ACSL6: variants seen among roughly 807,000 people sequenced by gnomAD.
ACSL6 encodes long-chain-fatty-acid--CoA ligase 6.
ACSL6 carries 47 observed loss-of-function variants against 98.2 expected under a neutral mutation model. That is an observed-to-expected ratio of 0.48 (90% CI 0.38 to 0.61). The LOEUF is 0.61. Among genes scored for constraint, ACSL6 ranks in the 20% least tolerant of loss-of-function variants. The pLI is 0.00. For synonymous variants in ACSL6, 362 were observed against 336.9 expected (o/e 1.07, Z -0.82); for missense variants, 761 against 913.4 (o/e 0.83, Z 2.15).
At chr5:131,986,525 T>A (rs1173669338) in intron 8 of ACSL6, among the ~76,000 whole-genome samples, 3 of 152,192 alleles carry the variant, frequency 2.0e-5, no homozygotes, top group African/African-American at 7.2e-5. Context: ...TTCTGGAGAG[T>A]TTGCCATATT....
intron 1 of ACSL6, 193 bp from the exon 2 acceptor site, chr5:131,994,444 C>T (rs1432526340): frequency 8.5e-6 from 5 of 585,514 alleles, no homozygotes; most frequent in South Asian, 4.0e-5. Flanking sequence ...AACCTTCTGC[C>T]GTCACACCTG....
At position 131,989,501 on chromosome 5, in the gene ACSL6, T is replaced by C. The variant is rs1055624208; in HGVS notation, c.458A>G (p.Asp153Gly). 1 of 1,600,604 alleles carries C rather than the reference T, an allele frequency of 6.2e-7. No homozygotes were observed. The highest frequency in any genetic ancestry group is 1.7e-5 in the Admixed American group (1 of 59,404). Reference protein sequence around the residue: ...YQWLSYQEVADRAEFLGSGLL... With the variant: ...YQWLSYQEVAGRAEFLGSGLL... ...TCCGGACCCCAGAAATTCAGCCCTGTCGGCCACCTGCACACAGATGTGGGG... is the reference window on the plus strand; with the variant it reads ...TCCGGACCCCAGAAATTCAGCCCTGCCGGCCACCTGCACACAGATGTGGGG... Residue 153 changes from aspartate to glycine, a missense_variant, in exon 5 of 21, where the codon GAC (aspartate) becomes GGC (glycine). By Grantham distance (94) the Asp-to-Gly change is moderately conservative. Coordinates refer to ENST00000651883, the MANE Select transcript of ACSL6 (RefSeq NM_001009185.3).
chr5:131,962,725 C>A, intron 17 of ACSL6, 47 bp from the exon 18 acceptor site: 1 of 1,604,598 alleles, frequency 6.2e-7, no homozygotes, highest in Non-Finnish European at 8.5e-7. Context: ...CACTCTCAAG[C>A]CTGAACCTTT....
rs573406158 is a variant in ACSL6 at position 131,951,780 on chromosome 5, G to T, written c.*2454C>A. 158 of 161,282 alleles carry T rather than the reference G, an allele frequency of 9.8e-4. 1 individual carries two copies. The highest frequency in any genetic ancestry group is 3.6e-3 in the African/African-American group (151 of 41,792). The allele number at this position is 161,282 out of a possible 1,614,324, so 10.0% of individuals were successfully genotyped here. A position where few individuals can be genotyped will look rare whatever the true frequency, so the allele number is the denominator to read the frequency against. ...TTTTGTATTTTTTTAGTAGAGACGG[G>T]GTTTCACTGTGTTAGCCAGGATGGT... On this transcript the variant is annotated 3_prime_UTR_variant, in exon 21 of 21. Coordinates refer to ENST00000651883, the MANE Select transcript of ACSL6 (RefSeq NM_001009185.3).
intron 16 of ACSL6, among the ~76,000 whole-genome samples, chr5:131,967,140 G>A (rs1190328501): frequency 3.3e-5 from 5 of 152,040 alleles, no homozygotes; most frequent in African/African-American, 1.2e-4. Context: ...GAGGCCAGGA[G>A]TTTAAGATCA....
intron 14 of ACSL6, 44 bp downstream of exon 14, chr5:131,971,506 C>A (rs368117880): frequency 5.9e-6 from 9 of 1,515,848 alleles, no homozygotes; most frequent in African/African-American, 5.5e-5. Flanking sequence ...CCTGCCCTAA[C>A]GAACTTCCTG....
At chr5:131,959,820 T>C (rs1254939694) in intron 19 of ACSL6, 13 of 593,128 alleles carry the variant, frequency 2.2e-5, no homozygotes, top group Non-Finnish European at 3.6e-5. Context: ...GGAGTGACCA[T>C]GAATGGGCTA....
chr5:131,975,802 T>G, intron 10 of ACSL6: 2 of 985,500 alleles, frequency 2.0e-6, no homozygotes, highest in Non-Finnish European at 2.4e-6. Context: ...TGGACTTCCC[T>G]GCTCTCCACC....
chr5:131,998,085 C>T (rs1220775014), intron 1 of ACSL6, among the ~76,000 whole-genome samples: 2 of 152,152 alleles, frequency 1.3e-5, no homozygotes, highest in Non-Finnish European at 2.9e-5. Context: ...TCTCTTTTGA[C>T]CTGGGGTAGG....
Position 131,974,981 on chromosome 5 carries a change from C to G in ACSL6, c.991-11G>C, listed in dbSNP as rs769520675. 5 of 1,612,638 alleles carry G rather than the reference C, an allele frequency of 3.1e-6. No homozygotes were observed. Among genetic ancestry groups the G allele is most frequent in the African/African-American group, 2.7e-5 (2 of 74,756 alleles). ...CGGAAAGATCACTTTCTGCAGGCGA[C>G]GGGCATGGGAGACAGAAAGGAAAGA... On this transcript the variant is annotated splice_polypyrimidine_tract_variant and intron_variant, in intron 10 of 20. Transcript: ENST00000651883.
rs369866389 is a variant in ACSL6 at position 131,998,034 on chromosome 5, C to T, written c.50-3783G>A. Reference sequence around the variant, plus strand: ...TAGGCCTTGGAGTCTGGTCTCATCTCATTATTTCACAGGGCCTTGGCCTCC... The same window carrying T: ...TAGGCCTTGGAGTCTGGTCTCATCTTATTATTTCACAGGGCCTTGGCCTCC... On this transcript the variant is annotated intron_variant, in intron 1 of 20. Coordinates refer to ENST00000651883, the MANE Select transcript of ACSL6 (RefSeq NM_001009185.3). Among the ~76,000 whole-genome samples, 417 of 152,250 alleles carry T rather than the reference C, an allele frequency of 2.7e-3. 6 individuals are homozygous for T. Among genetic ancestry groups the T allele is most frequent in the African/African-American group, 9.6e-3 (399 of 41,542 alleles).
intron 15 of ACSL6, among the ~76,000 whole-genome samples, chr5:131,968,576 CCA>C (rs1753144341): frequency 6.6e-6 from 1 of 152,136 alleles, no homozygotes; most frequent in South Asian, 2.1e-4. Context: ...GCTGCTGGTC[CCA>C]CACCACATGT....
At chr5:131,997,604 G>A (rs189057251) in intron 1 of ACSL6, among the ~76,000 whole-genome samples, 4 of 152,286 alleles carry the variant, frequency 2.6e-5, no homozygotes, top group African/African-American at 9.6e-5. Context: ...CATGGACATG[G>A]GTGGGCTTCT....
At chr5:132,007,061 T>G (rs1207242260) in intron 1 of ACSL6, 1 of 152,182 alleles carries the variant, frequency 6.6e-6, no homozygotes, top group Non-Finnish European at 1.5e-5. Flanking sequence ...CAATAAACTC[T>G]TATGTACCCT....
chr5:131,994,776 TG>T (rs1754710344), intron 1 of ACSL6: 1 of 171,798 alleles, frequency 5.8e-6, no homozygotes, highest in Admixed American at 5.4e-5. Context: ...GAGAGCGAAG[TG>T]GGGGCAGGGC....
intron 1 of ACSL6, among the ~76,000 whole-genome samples, chr5:131,995,098 T>C (rs1421078503): frequency 6.6e-6 from 1 of 152,110 alleles, no homozygotes; most frequent in Non-Finnish European, 1.5e-5. Flanking sequence ...ATGTCACAGA[T>C]GGCAGCCAGG....
At chr5:131,965,729 A>C (rs546478076) in intron 17 of ACSL6, among the ~76,000 whole-genome samples, 6 of 152,212 alleles carry the variant, frequency 3.9e-5, no homozygotes, top group Admixed American at 2.0e-4. Flanking sequence ...TTCATAAATA[A>C]ATAATAAAGG....
At chr5:132,005,135 A>G (rs1438984456) in intron 1 of ACSL6, among the ~76,000 whole-genome samples, 4 of 152,138 alleles carry the variant, frequency 2.6e-5, no homozygotes, top group Non-Finnish European at 5.9e-5. Context: ...CTGGGCAACA[A>G]CAACAAAGCT....
intron 1 of ACSL6, chr5:131,999,698 C>T: frequency 6.6e-6 from 1 of 152,406 alleles, no homozygotes; most frequent in African/African-American, 2.4e-5. Context: ...CACAGCAGTT[C>T]TGTAAGGAGT....
Sources: allele counts gnomAD v4.1 joint callset (sites outside exome capture counted in the v4.1 genomes callset), GRCh38; gene constraint gnomAD v4.1.1; transcripts MANE v1.5; gene names NCBI Gene and HGNC (gene_info 2026-07-23, HGNC 2026-07-21).